The following PSMB2 variants were observed in gnomAD, a reference collection of about 807,000 sequenced individuals.
PSMB2 encodes proteasome subunit beta type-2.
In PSMB2, 13 loss-of-function variants were observed where a neutral mutation model predicts 25.7. The ratio of observed to expected loss-of-function variants is 0.51; its 90% confidence interval spans 0.33 to 0.80. The LOEUF (loss-of-function observed/expected upper bound fraction) is 0.80. PSMB2 is among the 30% of genes least tolerant of loss of function. The pLI is 0.02. For synonymous variants in PSMB2, 87 were observed against 96.2 expected, an observed-to-expected ratio of 0.90 and a Z score of 0.56; for missense variants, 202 against 259.0, an observed-to-expected ratio of 0.78 and a Z score of 1.51.
chr1:35,638,492 T>A (rs1028387073), intron 1 of PSMB2, among the ~76,000 whole-genome samples: 2 of 152,212 alleles, frequency 1.3e-5, no homozygotes, highest in African/African-American at 2.4e-5. Flanking sequence ...TCCAGATGTG[T>A]GAAATGTTAT....
At chr1:35,639,976 G>C (rs1651345802) in intron 1 of PSMB2, among the ~76,000 whole-genome samples, 1 of 152,056 alleles carries the variant, frequency 6.6e-6, no homozygotes, top group Non-Finnish European at 1.5e-5. Context: ...CACGGAGTTA[G>C]AGAAATTTGC....
In PSMB2 at chr1:35,601,901, TA is replaced by T. The variant is rs1456309655; in HGVS notation, c.*1365del. The T allele has an allele frequency of 1.4e-5, 14 of 985,230 alleles. No individual in the cohort carries two copies. Among genetic ancestry groups the T allele is most frequent in the Non-Finnish European group, 1.7e-5 (14 of 829,906 alleles). 61.0% of individuals were successfully genotyped at this position (985,230 alleles called of 1,614,324 possible). On this transcript the variant is annotated 3_prime_UTR_variant, in exon 6 of 6. Coordinates refer to ENST00000373237, the MANE Select transcript of PSMB2 (RefSeq NM_002794.5). ...AAAGTTATGCTAAGAGTAAAACGAG[TA>T]ACTGGTTAACTGCCCATGATACATC...
At chr1:35,611,396 G>T (rs1181807649) in intron 3 of PSMB2, among the ~76,000 whole-genome samples, 1 of 152,130 alleles carries the variant, frequency 6.6e-6, no homozygotes, top group Non-Finnish European at 1.5e-5. Flanking sequence ...AGGCTGGAGT[G>T]CAGTGGTGCA....
chr1:35,611,483 T>A (rs996002168), intron 3 of PSMB2, among the ~76,000 whole-genome samples: 1 of 152,118 alleles, frequency 6.6e-6, no homozygotes, highest in Non-Finnish European at 1.5e-5. Flanking sequence ...GCTACGACTA[T>A]AGGCACCTAC....
intron 2 of PSMB2, among the ~76,000 whole-genome samples, chr1:35,632,045 G>C (rs374741909): frequency 6.6e-6 from 1 of 152,020 alleles, no homozygotes; most frequent in Non-Finnish European, 1.5e-5. Context: ...GAACAAAAAG[G>C]ATATTGGGAA....
In PSMB2 at chr1:35,602,762, C is replaced by T. The variant is rs557201730; in HGVS notation, c.*505G>A. 3.7e-4 allele frequency: 156 copies of T among 421,120 alleles called. 1 individual carries two copies. The highest frequency in any genetic ancestry group is 4.8e-4 in the Non-Finnish European group (152 of 314,340). 26.1% of individuals were successfully genotyped at this position (421,120 alleles called of 1,614,324 possible). A position where few individuals can be genotyped will look rare whatever the true frequency, so the allele number is the denominator to read the frequency against. On this transcript the variant is annotated 3_prime_UTR_variant, in exon 6 of 6. Transcript: ENST00000373237. The stretch of plus-strand genomic sequence containing the variant: ...CCGCCCGCCTCGGCCTCCCAAAGTG[C>T]TGGGATTACAGGTATGAGCCACCAC...
At chr1:35,622,806 C>T (rs1650728215) in intron 3 of PSMB2, among the ~76,000 whole-genome samples, 1 of 132,276 alleles carries the variant, frequency 7.6e-6, no homozygotes, top group African/African-American at 3.0e-5. Context: ...AAAAACAGCA[C>T]ATTTAAAAAA....
At position 35,631,283 on chromosome 1, in the gene PSMB2, AAGACAGTC is replaced by A; in HGVS notation, c.268_275del (p.Asp90SerfsTer16). ...CTGATATATTACTTACCCGACTCCG[AAGACAGTC>A]AGCCAGGTTTCGGCGTGTGAAGTTA... On this transcript the variant is annotated frameshift_variant, in exon 3 of 6. Transcript: ENST00000373237. LOFTEE classifies it high-confidence loss of function. 6.2e-7 allele frequency: 1 copy of A among 1,614,066 alleles called. No homozygotes were observed. Among genetic ancestry groups the A allele is most frequent in the Non-Finnish European group, 8.5e-7 (1 of 1,179,898 alleles).
intron 1 of PSMB2, among the ~76,000 whole-genome samples, chr1:35,638,684 G>A (rs1274042135): frequency 6.6e-6 from 1 of 152,140 alleles, no homozygotes. Flanking sequence ...AGTACTCCGA[G>A]TAACTTAAAA....
Position 35,603,251 on chromosome 1 carries a change from G to A in PSMB2, c.*16C>T. 1 of 1,611,546 alleles carries A rather than the reference G, an allele frequency of 6.2e-7. No individual in the cohort carries two copies. The highest frequency in any genetic ancestry group is 8.5e-7 in the Non-Finnish European group (1 of 1,179,322). On this transcript the variant is annotated 3_prime_UTR_variant, in exon 6 of 6. Transcript: ENST00000373237. ...CAAAAAAAAGTTCCCTGGCAAGTGG[G>A]AGGGAGGACATGATGTTAGGAGCCC...
intron 3 of PSMB2, among the ~76,000 whole-genome samples, chr1:35,618,321 C>T (rs1401028623): frequency 2.0e-5 from 3 of 152,146 alleles, no homozygotes; most frequent in Non-Finnish European, 4.4e-5. Flanking sequence ...TGAGCTTAAG[C>T]ACAGTTGTCC....
intron 3 of PSMB2, among the ~76,000 whole-genome samples, chr1:35,628,596 A>AAAAAAAATAT (rs59538661): frequency 8.0e-5 from 2 of 25,098 alleles, no homozygotes; most frequent in Non-Finnish European, 1.5e-4. Context: ...AAAAAAAAAA[A>AAAAAAAATAT]ATATATATAT....
chr1:35,634,669 G>C (rs1215741500), intron 2 of PSMB2, among the ~76,000 whole-genome samples: 2 of 152,054 alleles, frequency 1.3e-5, no homozygotes, highest in Non-Finnish European at 2.9e-5. Context: ...GCTAGCCACT[G>C]TGCCTGGCCA....
At chr1:35,636,466 CTTAACAGACA>C in intron 1 of PSMB2, 34 bp from the exon 2 acceptor site, 1 of 1,601,658 alleles carries the variant, frequency 6.2e-7, no homozygotes, top group Non-Finnish European at 8.5e-7. Flanking sequence ...TAGAAACTGC[CTTAACAGACA>C]TTGACCGTCA....
At chr1:35,635,828 CA>C (rs1163061850) in intron 2 of PSMB2, among the ~76,000 whole-genome samples, 2,918 of 34,264 alleles carry the variant, frequency 0.085, 21 homozygotes, top group African/African-American at 0.19. Context: ...GACTCCGTCT[CA>C]AAAAAAAAAA....
intron 2 of PSMB2, among the ~76,000 whole-genome samples, chr1:35,631,975 G>T (rs1189479254): frequency 6.6e-6 from 1 of 152,036 alleles, no homozygotes; most frequent in Non-Finnish European, 1.5e-5. Context: ...TTATGACTGT[G>T]CCACTGCACT....
In PSMB2 at chr1:35,627,644, G is replaced by A. The variant is rs564711548; in HGVS notation, c.285+3630C>T. ...AGCCTAGATGACAGAGTGAGATCCTGTCTCAAAAAAAAAGTAAGAGCTTTG... is the reference window on the plus strand; with the variant it reads ...AGCCTAGATGACAGAGTGAGATCCTATCTCAAAAAAAAAGTAAGAGCTTTG... On this transcript the variant is annotated intron_variant, in intron 3 of 5. Transcript: ENST00000373237. 5.9e-5 allele frequency among the ~76,000 whole-genome samples: 9 copies of A among 151,976 alleles called. No individual in the cohort carries two copies. In the South Asian group the frequency reaches 1.7e-3, roughly 28 times the overall value.
Position 35,602,309 on chromosome 1 carries a change from G to C in PSMB2, c.*958C>G, listed in dbSNP as rs574846053. The C allele has an allele frequency of 2.0e-5, 3 of 152,290 alleles. No individual in the cohort carries two copies. In the East Asian group the frequency reaches 5.8e-4, roughly 29 times the overall value. The allele number at this position is 152,290 out of a possible 1,614,324, so 9.4% of individuals were successfully genotyped here. On this transcript the variant is annotated 3_prime_UTR_variant, in exon 6 of 6. Transcript: ENST00000373237. ...ATTACGCCACAGCACTCCAGCCTGG[G>C]CTAGAGTGAGACCCTGTCTCTAAAT...
At chr1:35,607,801 G>A (rs1022529046) in intron 4 of PSMB2, among the ~76,000 whole-genome samples, 15 of 152,136 alleles carry the variant, frequency 9.9e-5, no homozygotes, top group Admixed American at 6.5e-4. Context: ...CAACCTAGGT[G>A]TCCGAGAACA....
Sources: allele counts gnomAD v4.1 joint callset (sites outside exome capture counted in the v4.1 genomes callset), GRCh38; gene constraint gnomAD v4.1.1; transcripts MANE v1.5; gene names NCBI Gene and HGNC (gene_info 2026-07-23, HGNC 2026-07-21).